CLEC16A: variants seen among roughly 807,000 people sequenced by gnomAD.
The protein encoded by CLEC16A is protein CLEC16A.
In CLEC16A, 51 loss-of-function variants were observed where a neutral mutation model predicts 109.5. The ratio of observed to expected loss-of-function variants is 0.47; its 90% CI spans 0.37 to 0.59. CLEC16A has a LOEUF of 0.59. CLEC16A is among the 20% of genes least tolerant of loss of function. CLEC16A has a pLI of 0.00. For synonymous variants in CLEC16A, 673 were observed against 564.2 expected (o/e 1.19, Z -2.73); for missense variants, 1,339 against 1,394.0 (o/e 0.96, Z 0.63).
rs570130008 is a variant in CLEC16A, at chr16:11,123,760, G to A, written c.2287G>A (p.Val763Met). ...TGTGCAGGACATGCAGGTGACTGGC[G>A]TGGAGGACGACAGCCGTGCCCTGAA... Reference protein sequence around the residue: ...GLLQDMQVTGVEDDSRALNIT... With the variant: ...GLLQDMQVTGMEDDSRALNIT... Residue 763 changes from valine to methionine, a missense_variant, in exon 21 of 24, where the codon GTG (valine) becomes ATG (methionine). Around this residue, in one of 3 missense-constraint regions of CLEC16A, gnomAD observed 1,061 missense variants for 1,006.8 expected, o/e 1.05. Transcript: ENST00000409790. 1.5e-5 allele frequency: 24 copies of A among 1,613,926 alleles called. No individual in the cohort carries two copies. The highest frequency in any genetic ancestry group is 5.3e-5 in the African/African-American group (4 of 74,934).
chr16:10,979,481 C>T, intron 9 of CLEC16A, 99 bp downstream of exon 9: 9 of 1,035,906 alleles, frequency 8.7e-6, no homozygotes, highest in Non-Finnish European at 1.3e-5. Flanking sequence ...CCCATCTTCT[C>T]TGTCCCCCCC....
chr16:11,073,800 G>T (rs1784162689), intron 19 of CLEC16A, among the ~76,000 whole-genome samples: 1 of 152,252 alleles, frequency 6.6e-6, no homozygotes, highest in African/African-American at 2.4e-5. Flanking sequence ...CTGGCACATA[G>T]TAGACACTCA....
At chr16:11,097,722 T>C (rs1396659358) in intron 19 of CLEC16A, among the ~76,000 whole-genome samples, 2 of 152,230 alleles carry the variant, frequency 1.3e-5, no homozygotes, top group Non-Finnish European at 2.9e-5. Flanking sequence ...TACGTCTGTT[T>C]TATGAATGGC....
intron 2 of CLEC16A, among the ~76,000 whole-genome samples, chr16:10,962,107 C>T (rs1013346276): frequency 1.3e-5 from 2 of 151,722 alleles, no homozygotes; most frequent in Non-Finnish European, 2.9e-5. Flanking sequence ...CATGCACCAC[C>T]GCCTAATTTT....
At chr16:11,051,718 T>G in intron 18 of CLEC16A, 77 bp downstream of exon 18, 1 of 1,569,298 alleles carries the variant, frequency 6.4e-7, no homozygotes, top group Admixed American at 1.7e-5. Flanking sequence ...GGAAAGGGCT[T>G]CTTTGTCAAA....
chr16:11,023,076 A>G (rs2046212697), intron 12 of CLEC16A, among the ~76,000 whole-genome samples: 1 of 148,050 alleles, frequency 6.8e-6, no homozygotes, highest in Admixed American at 6.7e-5. Context: ...GGGGACTACC[A>G]TTTTGGTTAT....
chr16:11,119,984 G>GTTTTC (rs1308403203), intron 19 of CLEC16A, among the ~76,000 whole-genome samples: 1 of 151,866 alleles, frequency 6.6e-6, no homozygotes, highest in African/African-American at 2.4e-5. Context: ...GTTTTGTTTT[G>GTTTTC]TTTGAGACGG....
chr16:10,948,050 CG>C, intron 1 of CLEC16A, among the ~76,000 whole-genome samples: 1 of 152,154 alleles, frequency 6.6e-6, no homozygotes, highest in East Asian at 1.9e-4. Context: ...CCCGCCACCA[CG>C]CCCAGCTAAT....
At chr16:10,947,800 G>C (rs1416122582) in intron 1 of CLEC16A, among the ~76,000 whole-genome samples, 1 of 152,192 alleles carries the variant, frequency 6.6e-6, no homozygotes, top group African/African-American at 2.4e-5. Context: ...CCTTGACCTA[G>C]AGCAGTATGG....
intron 10 of CLEC16A, among the ~76,000 whole-genome samples, chr16:10,999,609 C>T (rs555345284): frequency 6.8e-4 from 104 of 152,266 alleles, no homozygotes; most frequent in African/African-American, 2.4e-3. Context: ...AGGTTATTTC[C>T]AGTTGTTTAC....
chr16:11,154,515 C>A (rs1274236709), intron 22 of CLEC16A, among the ~76,000 whole-genome samples: 3 of 152,190 alleles, frequency 2.0e-5, no homozygotes, highest in Non-Finnish European at 4.4e-5. Flanking sequence ...CTCCTAAAAT[C>A]TTCAGTCATA....
At chr16:11,096,376 G>C (rs1451971470) in intron 19 of CLEC16A, among the ~76,000 whole-genome samples, 1 of 151,916 alleles carries the variant, frequency 6.6e-6, no homozygotes, top group Non-Finnish European at 1.5e-5. Flanking sequence ...ACTAAGTAAT[G>C]TCCACCCTCC....
At chr16:11,074,552 G>A (rs1469700491) in intron 19 of CLEC16A, among the ~76,000 whole-genome samples, 1 of 152,120 alleles carries the variant, frequency 6.6e-6, no homozygotes, top group Non-Finnish European at 1.5e-5. Context: ...CCTGTCTGCT[G>A]GACCTATTTT....
At chr16:11,054,130 C>A (rs572826005) in intron 18 of CLEC16A, among the ~76,000 whole-genome samples, 1 of 152,348 alleles carries the variant, frequency 6.6e-6, no homozygotes, top group East Asian at 1.9e-4. Context: ...AGCCAGATCA[C>A]GGGAGCCTTG....
At chr16:10,979,237 T>C in intron 8 of CLEC16A, 92 bp from the exon 9 acceptor site, 1 of 1,195,566 alleles carries the variant, frequency 8.4e-7, no homozygotes, top group Non-Finnish European at 1.2e-6. Flanking sequence ...AGGACGCCTT[T>C]GTTCACACAG....
At chr16:11,013,489 G>C (rs1044876193) in intron 11 of CLEC16A, among the ~76,000 whole-genome samples, 2 of 152,166 alleles carry the variant, frequency 1.3e-5, no homozygotes, top group African/African-American at 4.8e-5. Flanking sequence ...ATGAGGCCAG[G>C]TGTGCTGGCT....
At chr16:10,969,063 T>C in intron 3 of CLEC16A, 98 bp from the exon 4 acceptor site, 1 of 994,310 alleles carries the variant, frequency 1.0e-6, no homozygotes, top group Non-Finnish European at 1.5e-6. Flanking sequence ...ACCCAGAGGC[T>C]TACCTGATTC....
intron 13 of CLEC16A, among the ~76,000 whole-genome samples, chr16:11,028,974 C>G (rs1335639018): frequency 6.6e-6 from 1 of 152,120 alleles, no homozygotes; most frequent in African/African-American, 2.4e-5. Flanking sequence ...ATTGATTTTT[C>G]TCCTGCTTTT....
intron 18 of CLEC16A, among the ~76,000 whole-genome samples, chr16:11,054,932 CTTT>C (rs151109740): frequency 3.8e-5 from 5 of 130,604 alleles, no homozygotes; most frequent in African/African-American, 2.8e-5. Flanking sequence ...GGTTTTCTTT[CTTT>C]TTTTTTTTTT....
Sources: allele counts gnomAD v4.1 joint callset (sites outside exome capture counted in the v4.1 genomes callset), GRCh38; gene constraint gnomAD v4.1.1; regional missense constraint gnomAD v4.1.1; transcripts MANE v1.5; gene names NCBI Gene and HGNC (gene_info 2026-07-23, HGNC 2026-07-21).